The following GPATCH2 variants were observed in gnomAD, a reference collection of about 807,000 sequenced individuals.
GPATCH2 encodes the protein G patch domain-containing protein 2.
A neutral mutation model predicts 58.0 loss-of-function variants in GPATCH2; 51 were observed. The observed-to-expected ratio is 0.88, with a 90% CI of 0.70 to 1.11. The LOEUF (loss-of-function observed/expected upper bound fraction) is 1.11, where lower values mean the gene tolerates loss of function less well. GPATCH2 is among the 50% of genes most tolerant of loss of function. The pLI is 0.00. For missense variants in GPATCH2, 625 were observed against 652.2 expected, an observed-to-expected ratio of 0.96 and a Z score of 0.45; for synonymous variants, 222 against 218.5, an observed-to-expected ratio of 1.02 and a Z score of -0.14.
rs769102832 is a variant in GPATCH2, at chr1:217,614,208, A to G, written c.774-6T>C. On this transcript the variant is annotated splice_polypyrimidine_tract_variant and splice_region_variant and intron_variant, in intron 2 of 9. Coordinates refer to ENST00000366935, the MANE Select transcript of GPATCH2 (RefSeq NM_018040.5). ...TGCTGAGACTGCTGGAATCACTGTA[A>G]TAAGGAAAAAGAAAGAAACAGATCA... is the stretch of plus-strand genomic sequence containing the variant. 1.3e-6 allele frequency: 2 copies of G among 1,531,490 alleles called. No homozygotes were observed. The highest frequency in any genetic ancestry group is 4.5e-5 in the East Asian group (2 of 44,418). 94.9% of individuals were successfully genotyped at this position (1,531,490 alleles called of 1,614,324 possible). A position where few individuals can be genotyped will look rare whatever the true frequency, so the allele number is the denominator to read the frequency against.
intron 8 of GPATCH2, among the ~76,000 whole-genome samples, chr1:217,477,093 G>A (rs954686369): frequency 6.6e-6 from 1 of 152,114 alleles, no homozygotes; most frequent in Non-Finnish European, 1.5e-5. Flanking sequence ...TCTTTTCAGG[G>A]CCTAGCTCCT....
chr1:217,511,717 C>A (rs956583296), intron 6 of GPATCH2, among the ~76,000 whole-genome samples: 9 of 151,834 alleles, frequency 5.9e-5, no homozygotes, highest in Admixed American at 5.9e-4. Flanking sequence ...TCTCCTAGAG[C>A]AACAAAAGAG....
At chr1:217,564,428 G>A (rs1425522473) in intron 5 of GPATCH2, among the ~76,000 whole-genome samples, 1 of 152,092 alleles carries the variant, frequency 6.6e-6, no homozygotes, top group East Asian at 1.9e-4. Flanking sequence ...TGCAATTCAT[G>A]GTGTGTTTTC....
chr1:217,523,208 G>T (rs1244135063), intron 5 of GPATCH2, among the ~76,000 whole-genome samples: 1 of 151,494 alleles, frequency 6.6e-6, no homozygotes, highest in African/African-American at 2.4e-5. Context: ...TCATTCTTGG[G>T]TGTTTCTCCC....
intron 5 of GPATCH2, among the ~76,000 whole-genome samples, chr1:217,567,913 G>A (rs1423141060): frequency 1.3e-5 from 2 of 152,116 alleles, no homozygotes; most frequent in Non-Finnish European, 2.9e-5. Flanking sequence ...TCAGGAGATC[G>A]AGACTATCCT....
intron 5 of GPATCH2, among the ~76,000 whole-genome samples, chr1:217,535,069 G>C (rs767155335): frequency 4.6e-5 from 7 of 152,226 alleles, no homozygotes; most frequent in Middle Eastern, 3.4e-3. Flanking sequence ...ACATAGTAAG[G>C]ACCCAATAAT....
chr1:217,491,841 A>G, intron 7 of GPATCH2, 91 bp from the exon 8 acceptor site: 1 of 489,038 alleles, frequency 2.0e-6, no homozygotes, highest in Non-Finnish European at 3.7e-6. Flanking sequence ...TCAAAGGGAC[A>G]CTACTCATTT....
At position 217,498,771 on chromosome 1, in the gene GPATCH2, G is replaced by A. The variant is rs1571811243; in HGVS notation, c.1167-376C>T. Reference sequence around the variant, plus strand: ...AACACATTATGACCCTTTGATTGTTGGAGTTATAAAAAAAATGTTAAAAAT... The same window carrying A: ...AACACATTATGACCCTTTGATTGTTAGAGTTATAAAAAAAATGTTAAAAAT... On this transcript the variant is annotated intron_variant, in intron 6 of 9. Transcript: ENST00000366935. 5 of 286,212 alleles carry A rather than the reference G, an allele frequency of 1.7e-5. No individual in the cohort carries two copies. In the East Asian group the frequency reaches 2.9e-4, roughly 17 times the overall value. 17.7% of individuals were successfully genotyped at this position (286,212 alleles called of 1,614,324 possible). A position where few individuals can be genotyped will look rare whatever the true frequency, so the allele number is the denominator to read the frequency against.
At chr1:217,501,990 T>G (rs1419034984) in intron 6 of GPATCH2, among the ~76,000 whole-genome samples, 3 of 152,006 alleles carry the variant, frequency 2.0e-5, no homozygotes, top group African/African-American at 7.2e-5. Context: ...GAACAGCTTT[T>G]GCACGTTTCT....
At chr1:217,523,507 C>A (rs939005512) in intron 5 of GPATCH2, among the ~76,000 whole-genome samples, 1 of 151,470 alleles carries the variant, frequency 6.6e-6, no homozygotes, top group Non-Finnish European at 1.5e-5. Context: ...CACAGATCAA[C>A]AGGATCCCAA....
chr1:217,540,088 T>G (rs934560005), intron 5 of GPATCH2, among the ~76,000 whole-genome samples: 5 of 152,190 alleles, frequency 3.3e-5, no homozygotes, highest in African/African-American at 1.2e-4. Context: ...CACTAAAATG[T>G]TTTGGAAGGT....
At chr1:217,464,164 C>T (rs918848222) in intron 8 of GPATCH2, among the ~76,000 whole-genome samples, 1 of 152,092 alleles carries the variant, frequency 6.6e-6, no homozygotes, top group African/African-American at 2.4e-5. Flanking sequence ...ATTAAGAGTA[C>T]TCTGCGAATA....
chr1:217,616,223 A>C (rs1668879150), intron 2 of GPATCH2, among the ~76,000 whole-genome samples: 2 of 152,136 alleles, frequency 1.3e-5, no homozygotes, highest in African/African-American at 4.8e-5. Flanking sequence ...TTCCAAAGAA[A>C]GTAGTTGATA....
chr1:217,446,038 T>C (rs781395500), intron 9 of GPATCH2, among the ~76,000 whole-genome samples: 1 of 152,154 alleles, frequency 6.6e-6, no homozygotes, highest in East Asian at 1.9e-4. Flanking sequence ...TTTCTGACAA[T>C]TTTTTGGTAA....
At chr1:217,501,431 A>G (rs1244295875) in intron 6 of GPATCH2, among the ~76,000 whole-genome samples, 1 of 152,072 alleles carries the variant, frequency 6.6e-6, no homozygotes, top group Admixed American at 6.6e-5. Context: ...TTCTATGAAC[A>G]GTGTTTTTAC....
intron 5 of GPATCH2, among the ~76,000 whole-genome samples, chr1:217,535,290 C>T (rs1664405807): frequency 6.6e-6 from 1 of 152,252 alleles, no homozygotes; most frequent in Admixed American, 6.5e-5. Context: ...TATCTACTTA[C>T]TCAACTCCAG....
intron 6 of GPATCH2, among the ~76,000 whole-genome samples, chr1:217,500,014 A>C (rs1662220660): frequency 6.6e-6 from 1 of 152,108 alleles, no homozygotes; most frequent in South Asian, 2.1e-4. Context: ...TTTAACTCCC[A>C]ACCCTCTATT....
chr1:217,507,436 A>G (rs1662617588), intron 6 of GPATCH2, among the ~76,000 whole-genome samples: 2 of 152,212 alleles, frequency 1.3e-5, no homozygotes, highest in Admixed American at 1.3e-4. Flanking sequence ...TGATGTGGTT[A>G]CTAAATCAGA....
intron 7 of GPATCH2, among the ~76,000 whole-genome samples, chr1:217,494,738 T>C (rs12075614): frequency 0.19 from 28,300 of 151,178 alleles, 6,003 homozygotes; most frequent in African/African-American, 0.53. Context: ...AGTGAGACTC[T>C]GTCTCAAAAA....
Sources: allele counts gnomAD v4.1 joint callset (sites outside exome capture counted in the v4.1 genomes callset), GRCh38; gene constraint gnomAD v4.1.1; transcripts MANE v1.5; gene names NCBI Gene and HGNC (gene_info 2026-07-23, HGNC 2026-07-21).